The following SPSB2 variants were observed in gnomAD, a reference collection of about 807,000 sequenced individuals.
SPSB2 encodes splA/ryanodine receptor domain and SOCS box containing 2.
Under a neutral mutation model 19.2 loss-of-function variants are expected in SPSB2, and 25 were observed. The ratio of observed to expected loss-of-function variants is 1.30; its 90% CI spans 0.95 to 1.82. SPSB2 has a LOEUF of 1.82. SPSB2 is among the 40% of genes most tolerant of loss of function. SPSB2 has a pLI of 0.00. For synonymous variants in SPSB2, 153 were observed against 154.9 expected (o/e 0.99, Z 0.09); for missense variants, 413 against 344.9 (o/e 1.20, Z -1.56).
In SPSB2 at chr12:6,873,012, G is replaced by A. The variant is rs1446782223; in HGVS notation, c.-96-15C>T. 4.0e-6 allele frequency: 3 copies of A among 743,146 alleles called. No homozygotes were observed. Among genetic ancestry groups the A allele is most frequent in the Admixed American group, 5.9e-5 (2 of 33,922 alleles). 46.0% of individuals were successfully genotyped at this position (743,146 alleles called of 1,614,324 possible). A position where few individuals can be genotyped will look rare whatever the true frequency, so the allele number is the denominator to read the frequency against. On this transcript the variant is annotated splice_polypyrimidine_tract_variant and intron_variant, in intron 1 of 2. Coordinates refer to ENST00000524270, the MANE Select transcript of SPSB2 (RefSeq NM_032641.4). ...CTGGAAGGGAGCTGGGAGAAAAGGGGCGTGAAGAGCAGAATCCTGGCGGGG... is the reference window on the plus strand; with the variant it reads ...CTGGAAGGGAGCTGGGAGAAAAGGGACGTGAAGAGCAGAATCCTGGCGGGG...
chr12:6,872,452 G>A lies in SPSB2; in HGVS notation c.450C>T (p.Pro150=), dbSNP rs1555133840. The change falls in exon 2 of 3, where the codon CCC becomes CCT. Residue 150 remains proline (P), a synonymous_variant. Coordinates refer to ENST00000524270, the MANE Select transcript of SPSB2 (RefSeq NM_032641.4). ...CACCCTGAGTTCCCGCTGGATACTG[G>A]GGGGCTCCGGGCCCCTTGCTCTGAT... ...LYHQSKGPGA[P]QYPAGTQGEQ... 6.2e-7 allele frequency: 1 copy of A among 1,614,136 alleles called. No homozygotes were observed. The highest frequency in any genetic ancestry group is 8.5e-7 in the Non-Finnish European group (1 of 1,180,014).
chr12:6,872,231 G>A lies in SPSB2; in HGVS notation c.664+7C>T, dbSNP rs782619621. ...AAAGTTCTCCCCACGTCTGCCCCAG[G>A]CCTCACCTCTCCTTTCGCCCAGGTA... On this transcript the variant is annotated splice_region_variant and intron_variant, in intron 2 of 2. Transcript: ENST00000524270. 1.2e-6 allele frequency: 2 copies of A among 1,614,024 alleles called. No homozygotes were observed. The highest frequency in any genetic ancestry group is 2.2e-5 in the South Asian group (2 of 91,078).
At position 6,872,295 on chromosome 12, in the gene SPSB2, C is replaced by G. The variant is rs1555133728; in HGVS notation, c.607G>C (p.Val203Leu). ...TGGCACTGGCCCCAGACAGCGCTTA[C>G]TGCCGGATAGAGGGTCCTGCCCTTC... ...GLKGRTLYPA[V>L]SAVWGQCQVR... Residue 203 changes from valine (V) to leucine (L), a missense_variant, in exon 2 of 3, where the codon GTA becomes CTA. By Grantham distance (32) the Val-to-Leu change is conservative (BLOSUM62 1). Transcript: ENST00000524270. The G allele has an allele frequency of 6.2e-7, 1 of 1,614,212 alleles. No homozygotes were observed. Among genetic ancestry groups the G allele is most frequent in the African/African-American group, 1.3e-5 (1 of 75,064 alleles).
In SPSB2 at chr12:6,872,976, T is replaced by A. The variant is rs1944631241; in HGVS notation, c.-75A>T. 8.3e-6 allele frequency: 9 copies of A among 1,088,218 alleles called. No individual in the cohort carries two copies. In the Admixed American group the frequency reaches 1.3e-4, roughly 16 times the overall value. The allele number at this position is 1,088,218 out of a possible 1,614,324, so 67.4% of individuals were successfully genotyped here. On this transcript the variant is annotated 5_prime_UTR_variant, in exon 2 of 3. Transcript: ENST00000524270. ...TTCTCTTCTGAAAGTTGAGCTCCAG[T>A]TTGGATTGACCTGGAAGGGAGCTGG...
chr12:6,872,421 G>A lies in SPSB2; in HGVS notation c.481C>T (p.Leu161=), dbSNP rs781941521. ...ACCAGCAGTCTCTCTGGCACCTCCAGCTGCTCACCCTGAGTTCCCGCTGGA... is the reference window on the plus strand; with the variant it reads ...ACCAGCAGTCTCTCTGGCACCTCCAACTGCTCACCCTGAGTTCCCGCTGGA... The part of the protein sequence containing the change: ...QYPAGTQGEQ[L]EVPERLLVVL... Residue 161 remains leucine (L), a synonymous_variant, in exon 2 of 3, where the codon CTG becomes TTG. Coordinates refer to ENST00000524270, the MANE Select transcript of SPSB2 (RefSeq NM_032641.4). The A allele has an allele frequency of 6.2e-7, 1 of 1,614,222 alleles. No homozygotes were observed. The highest frequency in any genetic ancestry group is 8.5e-7 in the Non-Finnish European group (1 of 1,180,040).
Position 6,873,236 on chromosome 12 carries a change from GC to G in SPSB2, c.-97+9del. 4.2e-6 allele frequency: 1 copy of G among 239,946 alleles called. No individual in the cohort carries two copies. Among genetic ancestry groups the G allele is most frequent in the Non-Finnish European group, 8.1e-6 (1 of 124,176 alleles). The allele number at this position is 239,946 out of a possible 1,614,324, so 14.9% of individuals were successfully genotyped here. A position where few individuals can be genotyped will look rare whatever the true frequency, so the allele number is the denominator to read the frequency against. On this transcript the variant is annotated intron_variant, in intron 1 of 2. Transcript: ENST00000524270. The stretch of plus-strand genomic sequence containing the variant: ...TTACTCGCCCGGAGCCCTCGCCGCT[GC>G]CCCCGAACCTCGGTTGACTTCCCAG...
At position 6,872,487 on chromosome 12, in the gene SPSB2, TC is replaced by T; in HGVS notation, c.414del (p.Lys139SerfsTer56). 6.2e-7 allele frequency: 1 copy of T among 1,613,196 alleles called. No homozygotes were observed. Among genetic ancestry groups the T allele is most frequent in the African/African-American group, 1.3e-5 (1 of 75,008 alleles). Reference sequence around the variant, plus strand: ...GGCCCCTTGCTCTGATGGTACAGCTTCCCCCGCCCGATGTCCCAGCCCCACG... The same window carrying T: ...GGCCCCTTGCTCTGATGGTACAGCTTCCCCGCCCGATGTCCCAGCCCCACG... ...SESWGWDIGR[G>X]KLYHQSKGPG... On this transcript the variant is annotated frameshift_variant, in exon 2 of 3. Coordinates refer to ENST00000524270, the MANE Select transcript of SPSB2 (RefSeq NM_032641.4). LOFTEE classifies it high-confidence loss of function.
intron 2 of SPSB2, chr12:6,871,697 G>A: frequency 2.9e-6 from 1 of 341,546 alleles, no homozygotes; most frequent in Non-Finnish European, 5.4e-6. Flanking sequence ...GTCAGTTCCT[G>A]GGGAGGCTCC....
At chr12:6,871,513 G>T in intron 2 of SPSB2, 194 bp from the exon 3 acceptor site, 1 of 647,874 alleles carries the variant, frequency 1.5e-6, no homozygotes, top group Non-Finnish European at 2.6e-6. Flanking sequence ...CAGAGCTGGG[G>T]GTGAAGAGCT....
chr12:6,872,051 C>A (rs1944605788), intron 2 of SPSB2, 187 bp downstream of exon 2: 1 of 1,523,994 alleles, frequency 6.6e-7, no homozygotes, highest in Admixed American at 2.2e-5. Flanking sequence ...AAGCCTGTTT[C>A]ACCTCTATTG....
intron 2 of SPSB2, chr12:6,871,623 G>A (rs1298285350): frequency 2.1e-6 from 1 of 471,218 alleles, no homozygotes; most frequent in African/African-American, 2.0e-5. Context: ...CTGAGGTGAG[G>A]AGGGATGGCC....
rs782606362 is a variant in SPSB2, at chr12:6,871,142, A to G, written c.*50T>C. 3 of 1,552,590 alleles carry G rather than the reference A, an allele frequency of 1.9e-6. No homozygotes were observed. Among genetic ancestry groups the G allele is most frequent in the Non-Finnish European group, 2.6e-6 (3 of 1,146,664 alleles). ...CCAGCAGTGCCTCCCCACCTCCCCA[A>G]GGGGAGGGGTGGTGGCAAGACCTCA... is the stretch of plus-strand genomic sequence containing the variant. On this transcript the variant is annotated 3_prime_UTR_variant, in exon 3 of 3. Transcript: ENST00000524270.
intron 2 of SPSB2, chr12:6,871,811 A>T: frequency 2.2e-6 from 1 of 453,932 alleles, no homozygotes; most frequent in Non-Finnish European, 3.9e-6. Flanking sequence ...GGAAGGAAGT[A>T]GGTATGTGGC....
chr12:6,871,921 G>T, intron 2 of SPSB2: 1 of 1,309,864 alleles, frequency 7.6e-7, no homozygotes, highest in South Asian at 1.6e-5. Context: ...AGTACCTAAC[G>T]CTTTGCACCT....
At position 6,872,303 on chromosome 12, in the gene SPSB2, T is replaced by G. The variant is rs1944611914; in HGVS notation, c.599A>C (p.Tyr200Ser). 6.2e-7 allele frequency: 1 copy of G among 1,614,060 alleles called. No individual in the cohort carries two copies. The highest frequency in any genetic ancestry group is 1.3e-5 in the African/African-American group (1 of 74,934). Residue 200 changes from tyrosine to serine, a missense_variant, in exon 2 of 3, where the codon TAT (tyrosine) becomes TCT (serine). Coordinates refer to ENST00000524270, the MANE Select transcript of SPSB2 (RefSeq NM_032641.4). ...GCCCCAGACAGCGCTTACTGCCGGA[T>G]AGAGGGTCCTGCCCTTCAGTCCGCG... ...AFRGLKGRTL[Y>S]PAVSAVWGQC...
chr12:6,871,974 A>G (rs562068679), intron 2 of SPSB2: 263 of 1,446,846 alleles, frequency 1.8e-4, no homozygotes, highest in Non-Finnish European at 2.3e-4. Context: ...TCATCCCTGC[A>G]GTTCCTCCCT....
intron 2 of SPSB2, 107 bp from the exon 3 acceptor site, chr12:6,871,426 G>A: frequency 1.6e-6 from 2 of 1,239,386 alleles, no homozygotes; most frequent in Admixed American, 2.6e-5. Context: ...TGCTTCGAGT[G>A]TGCCCACCTG....
rs782170162 is a variant in SPSB2 at position 6,872,248 on chromosome 12, G to T, written c.654C>A (p.Gly218=). The T allele has an allele frequency of 5.2e-5, 84 of 1,613,878 alleles. No individual in the cohort carries two copies. The African/African-American group carries it at 1.1e-3, about 21-fold the overall frequency. ...GQCQVRIRYL[G]ERRAEPHSLL... is the part of the protein sequence containing the mutation. ...TGCCCCAGGCCTCACCTCTCCTTTC[G>T]CCCAGGTAGCGGATGCGGACCTGGC... The change falls in exon 2 of 3, where the codon GGC becomes GGA. Residue 218 remains glycine, a synonymous_variant. Transcript: ENST00000524270.
rs1591622555 is a variant in SPSB2, at chr12:6,872,892, T to C, written c.10A>G (p.Thr4Ala). The change falls in exon 2 of 3, where the codon ACA becomes GCA. Residue 4 changes from threonine (T) to alanine (A), a missense_variant. Transcript: ENST00000524270. Reference protein sequence around the residue: MGQTALAGGSSSTP... With the variant: MGQAALAGGSSSTP... ...CTGCTGCTGCCCCCTGCCAGAGCTG[T>C]CTGGCCCATGGAGGTGAGGAGCTAG... 3 of 1,578,538 alleles carry C rather than the reference T, an allele frequency of 1.9e-6. No homozygotes were observed. In the East Asian group the frequency reaches 6.8e-5, roughly 36 times the overall value.
Sources: allele counts gnomAD v4.1 joint callset, GRCh38; gene constraint gnomAD v4.1.1; transcripts MANE v1.5; gene names NCBI Gene and HGNC (gene_info 2026-07-23, HGNC 2026-07-21).